SPHKAP: variants seen among roughly 807,000 people sequenced by gnomAD.
The protein encoded by SPHKAP is SPHK1 interactor, AKAP domain containing, also known as A-kinase anchor protein SPHKAP.
SPHKAP carries 67 observed loss-of-function variants against 137.5 expected under a neutral mutation model. The ratio of observed to expected loss-of-function variants is 0.49; its 90% confidence interval spans 0.40 to 0.60. SPHKAP has a LOEUF of 0.60. Among genes scored for constraint, SPHKAP ranks in the 20% least tolerant of loss-of-function variants. SPHKAP has a pLI of 0.00. For missense variants in SPHKAP, 2,097 were observed against 2,069.3 expected (o/e 1.01, Z -0.26); for synonymous variants, 813 against 785.3 (o/e 1.04, Z -0.59).
At chr2:228,014,206 C>G (rs922053178) in intron 7 of SPHKAP, among the ~76,000 whole-genome samples, 6 of 152,128 alleles carry the variant, frequency 3.9e-5, no homozygotes, top group Non-Finnish European at 5.9e-5. Flanking sequence ...CCCTAACTAG[C>G]CACTCTTTGG....
At chr2:228,153,778 G>A (rs1467097704) in intron 1 of SPHKAP, among the ~76,000 whole-genome samples, 1 of 151,886 alleles carries the variant, frequency 6.6e-6, no homozygotes, top group Non-Finnish European at 1.5e-5. Flanking sequence ...GAATAATTTT[G>A]TCATATTTCT....
At chr2:227,998,783 A>G (rs1157812571) in intron 7 of SPHKAP, among the ~76,000 whole-genome samples, 2 of 152,134 alleles carry the variant, frequency 1.3e-5, no homozygotes, top group African/African-American at 4.8e-5. Context: ...TCAGTTGCAG[A>G]CACACTTGGG....
At chr2:228,139,787 T>C (rs1465743925) in intron 1 of SPHKAP, among the ~76,000 whole-genome samples, 3 of 152,122 alleles carry the variant, frequency 2.0e-5, no homozygotes, top group African/African-American at 7.2e-5. Flanking sequence ...TAATGTAAGA[T>C]AGAAAGTACA....
At chr2:228,030,543 CAAAAAA>C (rs1553615001) in intron 3 of SPHKAP, among the ~76,000 whole-genome samples, 10 of 78,728 alleles carry the variant, frequency 1.3e-4, no homozygotes, top group East Asian at 1.2e-3. Context: ...CAACAAAAAA[CAAAAAA>C]AAAAAAATAA....
At chr2:228,072,958 CCT>C (rs1051738487) in intron 3 of SPHKAP, among the ~76,000 whole-genome samples, 14 of 152,206 alleles carry the variant, frequency 9.2e-5, no homozygotes, top group Non-Finnish European at 2.9e-5. Flanking sequence ...AGCCACCTGC[CCT>C]GTTCCCTGGC....
At chr2:228,142,311 T>G (rs961190954) in intron 1 of SPHKAP, among the ~76,000 whole-genome samples, 1 of 150,452 alleles carries the variant, frequency 6.6e-6, no homozygotes, top group Non-Finnish European at 1.5e-5. Flanking sequence ...TGTTGCTCTC[T>G]GAAATTAAGA....
chr2:228,101,234 G>A (rs1698173946), intron 3 of SPHKAP, among the ~76,000 whole-genome samples: 1 of 152,072 alleles, frequency 6.6e-6, no homozygotes, highest in South Asian at 2.1e-4. Flanking sequence ...TACACTAGAA[G>A]CATCCATACA....
intron 11 of SPHKAP, 160 bp downstream of exon 11, chr2:227,990,840 A>T: frequency 1.4e-6 from 1 of 708,516 alleles, no homozygotes; most frequent in Non-Finnish European, 2.3e-6. Flanking sequence ...TATTATATTT[A>T]CACAGGTGGA....
At chr2:228,129,336 A>G (rs1699174459) in intron 2 of SPHKAP, among the ~76,000 whole-genome samples, 1 of 152,246 alleles carries the variant, frequency 6.6e-6, no homozygotes, top group South Asian at 2.1e-4. Context: ...GCTAAGTCCA[A>G]TAATGTGAAG....
intron 11 of SPHKAP, among the ~76,000 whole-genome samples, chr2:227,989,222 A>C (rs1296188145): frequency 6.6e-6 from 1 of 152,204 alleles, no homozygotes; most frequent in Non-Finnish European, 1.5e-5. Flanking sequence ...TAACTTGAGA[A>C]AGATCCTTTT....
chr2:228,083,460 GT>G (rs34147377), intron 3 of SPHKAP, among the ~76,000 whole-genome samples: 2 of 151,974 alleles, frequency 1.3e-5, no homozygotes, highest in East Asian at 3.9e-4. Flanking sequence ...TTTTTTCTAT[GT>G]TTTTTGGCCG....
In SPHKAP at chr2:228,181,464, C is replaced by T. The variant is rs1700910364; in HGVS notation, c.32+103G>A. 3 of 1,514,072 alleles carry T rather than the reference C, an allele frequency of 2.0e-6. No individual in the cohort carries two copies. In the East Asian group the frequency reaches 6.8e-5, roughly 34 times the overall value. 93.8% of individuals were successfully genotyped at this position (1,514,072 alleles called of 1,614,324 possible). Reference sequence around the variant, plus strand: ...TGACCCCTGTCTCCTCGCTGGGAGCCCCGTGCAAACCGAAGCGCTCTGGGG... The same window carrying T: ...TGACCCCTGTCTCCTCGCTGGGAGCTCCGTGCAAACCGAAGCGCTCTGGGG... On this transcript the variant is annotated intron_variant, in intron 1 of 11. Coordinates refer to ENST00000392056, the MANE Select transcript of SPHKAP (RefSeq NM_001142644.2). The surrounding 1 kb of genome is among the most constrained non-coding windows in gnomAD (Gnocchi z 4.3).
intron 3 of SPHKAP, among the ~76,000 whole-genome samples, chr2:228,105,284 T>TA (rs1031117359): frequency 7.3e-5 from 11 of 151,172 alleles, no homozygotes; most frequent in Admixed American, 6.6e-4. Context: ...AACTTTTAAT[T>TA]AAAAAAAAAG....
At chr2:228,014,396 C>T (rs907763606) in intron 7 of SPHKAP, among the ~76,000 whole-genome samples, 2 of 152,078 alleles carry the variant, frequency 1.3e-5, no homozygotes, top group Admixed American at 6.5e-5. Flanking sequence ...TGTAATTCTC[C>T]AAACGACCTA....
chr2:228,176,399 A>G (rs1388963402), intron 1 of SPHKAP, among the ~76,000 whole-genome samples: 1 of 152,218 alleles, frequency 6.6e-6, no homozygotes, highest in African/African-American at 2.4e-5. Flanking sequence ...AGGTTGTGGC[A>G]TTATAGAAGA....
At chr2:228,138,269 T>A (rs894090419) in intron 1 of SPHKAP, among the ~76,000 whole-genome samples, 2 of 152,178 alleles carry the variant, frequency 1.3e-5, no homozygotes, top group Non-Finnish European at 2.9e-5. Context: ...ACCCCTTCAC[T>A]CTGCCTGTGG....
chr2:227,982,459 A>C (rs1693036230), intron 11 of SPHKAP: 2 of 710,330 alleles, frequency 2.8e-6, no homozygotes, highest in Non-Finnish European at 3.5e-6. Flanking sequence ...GGGTATTGGT[A>C]CCAGTTCTAT....
intron 1 of SPHKAP, among the ~76,000 whole-genome samples, chr2:228,159,085 T>G (rs1479644120): frequency 6.6e-6 from 1 of 152,152 alleles, no homozygotes; most frequent in Non-Finnish European, 1.5e-5. Flanking sequence ...CAGTCTGGAC[T>G]GTAGGGTCCA....
At chr2:228,002,222 C>G (rs530127397) in intron 7 of SPHKAP, among the ~76,000 whole-genome samples, 26 of 152,292 alleles carry the variant, frequency 1.7e-4, no homozygotes, top group African/African-American at 6.0e-4. Context: ...CACATCCTCT[C>G]CAGCACCTGT....
Sources: allele counts gnomAD v4.1 joint callset (sites outside exome capture counted in the v4.1 genomes callset), GRCh38; gene constraint gnomAD v4.1.1; non-coding constraint Gnocchi (gnomAD v3.1); transcripts MANE v1.5; gene names NCBI Gene and HGNC (gene_info 2026-07-23, HGNC 2026-07-21).